Variants in NXPE4 observed in about 807,000 individuals in gnomAD.
NXPE4 encodes the protein NXPE family member 4.
NXPE4 carries 42 observed loss-of-function variants against 33.3 expected under a neutral mutation model. That is an observed-to-expected ratio of 1.26 (90% CI 0.98 to 1.63). The LOEUF is 1.63. NXPE4 is among the 40% of genes most tolerant of loss of function. The probability of loss-of-function intolerance (pLI) is 0.00; values close to 1 mark genes in which losing one functional copy is unlikely to be tolerated. For synonymous variants in NXPE4, 253 were observed against 234.9 expected (o/e 1.08, Z -0.71); for missense variants, 709 against 647.6 (o/e 1.09, Z -1.03).
chr11:114,634,126 T>A, the NXPE4 span, among the ~76,000 whole-genome samples: 55 of 151,690 alleles, frequency 3.6e-4, no homozygotes, highest in African/African-American at 1.2e-3. Context: ...CAGCACCTGT[T>A]GTTTCCTGAC....
chr11:114,603,986 G>T, the NXPE4 span, among the ~76,000 whole-genome samples: 2 of 151,544 alleles, frequency 1.3e-5, no homozygotes, highest in Non-Finnish European at 2.9e-5. Flanking sequence ...TGGATAATAA[G>T]TATTGCCTCG....
At chr11:114,658,831 T>C in the NXPE4 span, among the ~76,000 whole-genome samples, 1 of 152,082 alleles carries the variant, frequency 6.6e-6, no homozygotes, top group African/African-American at 2.4e-5. Flanking sequence ...CTACCTAGGA[T>C]TGAGGCTGAT....
chr11:114,640,296 T>C, the NXPE4 span, among the ~76,000 whole-genome samples: 1 of 145,744 alleles, frequency 6.9e-6, no homozygotes, highest in South Asian at 2.1e-4. Flanking sequence ...TTGTTCATTT[T>C]AAATTTTTAT....
chr11:114,621,402 C>G, the NXPE4 span, among the ~76,000 whole-genome samples: 2 of 152,170 alleles, frequency 1.3e-5, no homozygotes, highest in Admixed American at 1.3e-4. Flanking sequence ...TGGGTAACCA[C>G]AGTTACCCTG....
chr11:114,607,304 C>T, the NXPE4 span, among the ~76,000 whole-genome samples: 29,316 of 151,734 alleles, frequency 0.19, 3,416 homozygotes, highest in African/African-American at 0.32. Flanking sequence ...TTAGTATTGC[C>T]TCGTGGGTCA....
upstream of NXPE4, among the ~76,000 whole-genome samples, chr11:114,598,409 G>A (rs1347984304): frequency 6.7e-6 from 1 of 149,038 alleles, no homozygotes; most frequent in African/African-American, 2.5e-5. Flanking sequence ...GTGCCCCAGT[G>A]GGGACTCTGT....
chr11:114,588,111 C>T (rs945921244), intron 2 of NXPE4, among the ~76,000 whole-genome samples: 2 of 152,066 alleles, frequency 1.3e-5, no homozygotes, highest in African/African-American at 4.8e-5. Flanking sequence ...AATGATTCCC[C>T]AAAACTAGAG....
the NXPE4 span, among the ~76,000 whole-genome samples, chr11:114,623,020 C>T: frequency 2.5e-4 from 38 of 150,626 alleles, no homozygotes; most frequent in African/African-American, 4.2e-4. Flanking sequence ...TGTTGCCTTG[C>T]GGGAAACCCC....
At chr11:114,636,105 C>T in the NXPE4 span, among the ~76,000 whole-genome samples, 21 of 116,028 alleles carry the variant, frequency 1.8e-4, no homozygotes, top group Admixed American at 3.5e-4. Context: ...TGGACTCTTT[C>T]GTTGGTAAGC....
the NXPE4 span, among the ~76,000 whole-genome samples, chr11:114,653,897 A>G: frequency 1.3e-5 from 2 of 152,118 alleles, no homozygotes; most frequent in African/African-American, 4.8e-5. Flanking sequence ...AGGAGCAGCA[A>G]TCTACATTTG....
At chr11:114,623,350 G>A in the NXPE4 span, among the ~76,000 whole-genome samples, 11 of 151,990 alleles carry the variant, frequency 7.2e-5, no homozygotes, top group South Asian at 2.1e-4. Context: ...AATAAGTATC[G>A]CCTGTAGGGT....
At chr11:114,649,803 TATTTACCAACC>T in the NXPE4 span, among the ~76,000 whole-genome samples, 1 of 152,218 alleles carries the variant, frequency 6.6e-6, no homozygotes, top group East Asian at 1.9e-4. Flanking sequence ...TTTGGGCTAA[TATTTACCAACC>T]ATTTCCCATG....
At chr11:114,642,736 G>C in the NXPE4 span, among the ~76,000 whole-genome samples, 68 of 152,164 alleles carry the variant, frequency 4.5e-4, no homozygotes, top group African/African-American at 1.6e-3. Flanking sequence ...GTGTGCATGT[G>C]TCTTTATAGT....
intron 2 of NXPE4, among the ~76,000 whole-genome samples, chr11:114,590,331 C>A (rs1269344293): frequency 6.6e-6 from 1 of 152,174 alleles, no homozygotes; most frequent in African/African-American, 2.4e-5. Context: ...TGGTTTAGTG[C>A]TTCTGAAAGG....
chr11:114,645,162 C>T, the NXPE4 span, among the ~76,000 whole-genome samples: 1 of 151,958 alleles, frequency 6.6e-6, no homozygotes, highest in South Asian at 2.1e-4. Context: ...ATTAGCTGGG[C>T]GTGATGGCGT....
intron 5 of NXPE4, 23 bp from the exon 6 acceptor site, chr11:114,571,496 A>C (rs1173243656): frequency 6.4e-7 from 1 of 1,561,740 alleles, no homozygotes; most frequent in Non-Finnish European, 8.7e-7. Flanking sequence ...AGGCAATCCC[A>C]AAATAAAAGG....
chr11:114,592,430 C>T (rs73557437), intron 2 of NXPE4, among the ~76,000 whole-genome samples: 6,833 of 151,924 alleles, frequency 0.045, 491 homozygotes, highest in African/African-American at 0.15. Context: ...ACAGTAGCTA[C>T]AAAAACCCTA....
the NXPE4 span, among the ~76,000 whole-genome samples, chr11:114,632,735 A>T: frequency 3.4e-5 from 2 of 58,428 alleles, no homozygotes; most frequent in African/African-American, 6.0e-5. Context: ...TATATAATAT[A>T]TATAAAATAT....
chr11:114,641,721 C>G, the NXPE4 span, among the ~76,000 whole-genome samples: 1 of 152,046 alleles, frequency 6.6e-6, no homozygotes, highest in Admixed American at 6.6e-5. Flanking sequence ...AAACCTAACT[C>G]TTAGAGCACA....
Sources: allele counts gnomAD v4.1 joint callset (sites outside exome capture counted in the v4.1 genomes callset), GRCh38; gene constraint gnomAD v4.1.1; transcripts MANE v1.5; gene names NCBI Gene and HGNC (gene_info 2026-07-23, HGNC 2026-07-21).